Variants in ARHGAP39 observed in about 807,000 individuals in gnomAD.
ARHGAP39 encodes Rho GTPase activating protein 39.
A neutral mutation model predicts 106.9 loss-of-function variants in ARHGAP39; 44 were observed. The ratio of observed to expected loss-of-function variants is 0.41; its 90% CI spans 0.32 to 0.53. ARHGAP39 has a LOEUF of 0.53. Among genes scored for constraint, ARHGAP39 ranks in the 20% least tolerant of loss-of-function variants. The probability of loss-of-function intolerance (pLI) is 0.21; values close to 1 mark genes in which losing one functional copy is unlikely to be tolerated. For synonymous variants in ARHGAP39, 768 were observed against 693.2 expected (o/e 1.11, Z -1.69); for missense variants, 1,496 against 1,577.3 (o/e 0.95, Z 0.87).
At chr8:144,626,781 TCCCTC>T (rs1182808119) in intron 1 of ARHGAP39, among the ~76,000 whole-genome samples, 3 of 152,108 alleles carry the variant, frequency 2.0e-5, no homozygotes, top group African/African-American at 7.2e-5. Context: ...CTGGGCAGCT[TCCCTC>T]CCCTCCCCTC....
intron 1 of ARHGAP39, among the ~76,000 whole-genome samples, chr8:144,633,709 T>TA (rs1240849688): frequency 6.6e-6 from 1 of 152,138 alleles, no homozygotes; most frequent in Non-Finnish European, 1.5e-5. Flanking sequence ...TTTTAATAGA[T>TA]AGAGTCTTGC....
Position 144,548,157 on chromosome 8 carries a change from G to C in ARHGAP39, c.929C>G (p.Pro310Arg), listed in dbSNP as rs375834942. 2 of 1,573,060 alleles carry C rather than the reference G, an allele frequency of 1.3e-6. No homozygotes were observed. The highest frequency in any genetic ancestry group is 2.7e-5 in the African/African-American group (2 of 73,740). ...CACTGGGGGCTCCTCGTAGAGCGGGGGTTCATAGCCATAGCGCGGGGAGGA... is the reference window on the plus strand; with the variant it reads ...CACTGGGGGCTCCTCGTAGAGCGGGCGTTCATAGCCATAGCGCGGGGAGGA... ...QPSSPRYGYE[P>R]PLYEEPPVEY... The change falls in exon 5 of 12, where the codon CCC becomes CGC. Residue 310 changes from proline (P) to arginine (R), a missense_variant. Transcript: ENST00000377307. The surrounding 1 kb of genome is among the most constrained non-coding windows in gnomAD (Gnocchi z 7.4).
At chr8:144,605,458 T>C in intron 2 of ARHGAP39, 77 bp downstream of exon 2, 3 of 1,464,468 alleles carry the variant, frequency 2.0e-6, no homozygotes, top group Non-Finnish European at 2.9e-6. Flanking sequence ...GCATGCACAC[T>C]GCTTTCTCTG....
At chr8:144,556,402 A>G (rs1464492740) in intron 3 of ARHGAP39, among the ~76,000 whole-genome samples, 3 of 152,310 alleles carry the variant, frequency 2.0e-5, no homozygotes, top group Non-Finnish European at 2.9e-5. Flanking sequence ...ATCCCGACAG[A>G]TATTCCCAGG....
intron 2 of ARHGAP39, among the ~76,000 whole-genome samples, chr8:144,601,510 A>ATGTGTGTGCTCATGTACCTG (rs1554604312): frequency 0.018 from 859 of 48,506 alleles, 27 homozygotes; most frequent in African/African-American, 0.07. Flanking sequence ...GCGTGGAGGC[A>ATGTGTGTGCTCATGTACCTG]TGTGTGTGCT....
rs1323043156 is a variant in ARHGAP39, at chr8:144,671,997, G to A, written c.-82+13689C>T. ...TCATCCTGGGCCCCAGTGGCCTTGG[G>A]CAGAAAGCCCCACACTGTTCCTGGA... On this transcript the variant is annotated intron_variant, in intron 1 of 11. Coordinates refer to ENST00000377307, the MANE Select transcript of ARHGAP39 (RefSeq NM_025251.3). The surrounding 1 kb of genome is among the most constrained non-coding windows in gnomAD (Gnocchi z 4.5). Among the ~76,000 whole-genome samples the A allele has an allele frequency of 2.6e-5, 4 of 152,250 alleles. No individual in the cohort carries two copies. The highest frequency in any genetic ancestry group is 1.9e-4 in the East Asian group (1 of 5,204).
chr8:144,684,178 G>C lies in ARHGAP39; in HGVS notation c.-82+1508C>G, dbSNP rs1408160470. Among the ~76,000 whole-genome samples, 4 of 152,232 alleles carry C rather than the reference G, an allele frequency of 2.6e-5. No individual in the cohort carries two copies. The highest frequency in any genetic ancestry group is 9.6e-5 in the African/African-American group (4 of 41,474). ...GACAGCTGGCTACACCAAGTGCAGG[G>C]AGCGAGGCGCCACCCCCATTCATTC... On this transcript the variant is annotated intron_variant, in intron 1 of 11. Coordinates refer to ENST00000377307, the MANE Select transcript of ARHGAP39 (RefSeq NM_025251.3). This position sits in a 1 kb window ranked among gnomAD's most constrained non-coding sequence, Gnocchi z 4.4.
At chr8:144,643,668 A>G (rs1330126737) in intron 1 of ARHGAP39, among the ~76,000 whole-genome samples, 1 of 152,124 alleles carries the variant, frequency 6.6e-6, no homozygotes, top group African/African-American at 2.4e-5. Flanking sequence ...AAGACACTAA[A>G]CTGAATCCAG....
chr8:144,573,808 G>A (rs1244066554), intron 3 of ARHGAP39, among the ~76,000 whole-genome samples: 1 of 152,144 alleles, frequency 6.6e-6, no homozygotes, highest in Admixed American at 6.6e-5. Context: ...TGGCAATCAA[G>A]AACGAAAACG....
intron 1 of ARHGAP39, among the ~76,000 whole-genome samples, chr8:144,613,490 GTTT>G (rs59528973): frequency 7.0e-6 from 1 of 143,426 alleles, no homozygotes. Context: ...TTGGTGGACA[GTTT>G]TTTTTTTTTT....
At chr8:144,589,094 C>A (rs1033665719) in intron 2 of ARHGAP39, among the ~76,000 whole-genome samples, 4 of 152,186 alleles carry the variant, frequency 2.6e-5, no homozygotes, top group African/African-American at 9.6e-5. Context: ...AGGGGCTCAT[C>A]AACTGCAGAA....
rs144984215 is a variant in ARHGAP39 at position 144,543,357 on chromosome 8, A to G, written c.2521+1892T>C. On this transcript the variant is annotated intron_variant, in intron 6 of 11. Transcript: ENST00000377307. ...CAGGAGGCTGGCTGGAGGGGGTGTG[A>G]GGCTCATTTGGGAAGGAATGGCCAC... 4.5e-4 allele frequency among the ~76,000 whole-genome samples: 68 copies of G among 152,252 alleles called. No homozygotes were observed. In the East Asian group the frequency reaches 0.013, roughly 29 times the overall value.
At chr8:144,680,354 T>C (rs1189409057) in intron 1 of ARHGAP39, among the ~76,000 whole-genome samples, 1 of 152,208 alleles carries the variant, frequency 6.6e-6, no homozygotes. Flanking sequence ...AAGGAGTCAG[T>C]TCAGCCAGAG....
intron 1 of ARHGAP39, among the ~76,000 whole-genome samples, chr8:144,631,919 C>T (rs1021962234): frequency 7.9e-5 from 12 of 152,202 alleles, no homozygotes; most frequent in African/African-American, 1.4e-4. Flanking sequence ...TTCAAACAGC[C>T]GGTGACTGGG....
intron 1 of ARHGAP39, among the ~76,000 whole-genome samples, chr8:144,681,257 A>G (rs1822409830): frequency 6.6e-6 from 1 of 152,184 alleles, no homozygotes; most frequent in African/African-American, 2.4e-5. Flanking sequence ...TAAGGATTTC[A>G]CTTGTTGAAG....
the ARHGAP39 span, among the ~76,000 whole-genome samples, chr8:144,697,621 G>A: frequency 6.6e-6 from 1 of 151,914 alleles, no homozygotes; most frequent in South Asian, 2.1e-4. Flanking sequence ...CCGAGTTCAG[G>A]CAATCCTCCT....
chr8:144,617,341 C>T (rs1045839136), intron 1 of ARHGAP39, among the ~76,000 whole-genome samples: 1 of 152,126 alleles, frequency 6.6e-6, no homozygotes, highest in Non-Finnish European at 1.5e-5. Flanking sequence ...CTTTGGCAGG[C>T]GGGACAAGCG....
At chr8:144,550,185 G>A (rs1425793939) in intron 4 of ARHGAP39, among the ~76,000 whole-genome samples, 1 of 152,182 alleles carries the variant, frequency 6.6e-6, no homozygotes, top group East Asian at 1.9e-4. Context: ...GGGGTGGGAG[G>A]ATCGCTTAAG....
In ARHGAP39 at chr8:144,532,411, G is replaced by A. The variant is rs1188256779; in HGVS notation, c.2889-15C>T. The A allele has an allele frequency of 6.2e-7, 1 of 1,607,732 alleles. No individual in the cohort carries two copies. Among genetic ancestry groups the A allele is most frequent in the South Asian group, 1.1e-5 (1 of 90,664 alleles). On this transcript the variant is annotated splice_polypyrimidine_tract_variant and intron_variant, in intron 9 of 11. Transcript: ENST00000377307. ...CCCCAGGGACCCTGCAGGGCACAGG[G>A]CAGGTCTCAGGCAACAGGAGCCTGT...
Sources: gnomAD v4.1 joint callset for allele counts (sites outside exome capture counted in the v4.1 genomes callset) on GRCh38, gnomAD v4.1.1 for gene constraint, Gnocchi (gnomAD v3.1) non-coding constraint, MANE v1.5 for transcripts, NCBI Gene and HGNC (gene_info 2026-07-23, HGNC 2026-07-21) for gene names.